IQSEC1: variants seen among roughly 807,000 people sequenced by gnomAD.
The protein encoded by IQSEC1 is IQ motif and Sec7 domain ArfGEF 1, also known as IQ motif and SEC7 domain-containing protein 1.
IQSEC1 carries 31 observed loss-of-function variants against 91.0 expected under a neutral mutation model. The ratio of observed to expected loss-of-function variants is 0.34; its 90% CI spans 0.26 to 0.46. The LOEUF (loss-of-function observed/expected upper bound fraction) is 0.46, where lower values mean the gene tolerates loss of function less well. Among genes scored for constraint, IQSEC1 ranks in the 20% least tolerant of loss-of-function variants. The pLI, the probability that IQSEC1 is intolerant of heterozygous loss-of-function variation, is 1.00. For missense variants in IQSEC1, 1,388 were observed against 1,575.6 expected (o/e 0.88, Z 2.02); for synonymous variants, 699 against 662.6 (o/e 1.05, Z -0.84).
chr3:13,151,910 G>A (rs1010786429), intron 2 of IQSEC1, among the ~76,000 whole-genome samples: 14 of 152,096 alleles, frequency 9.2e-5, no homozygotes, highest in Admixed American at 5.9e-4. Context: ...AGGTTGCAGC[G>A]ACCCAAGATC....
intron 1 of IQSEC1, among the ~76,000 whole-genome samples, chr3:13,057,127 G>A (rs916609123): frequency 6.6e-6 from 1 of 152,118 alleles, no homozygotes; most frequent in African/African-American, 2.4e-5. Context: ...CTTACACAGA[G>A]GCCTTATCCT....
intron 1 of IQSEC1, among the ~76,000 whole-genome samples, chr3:12,949,718 T>C (rs1699411704): frequency 1.3e-5 from 2 of 151,924 alleles, no homozygotes; most frequent in Admixed American, 1.3e-4. Flanking sequence ...TCTTCACCTC[T>C]ATGCCCCCGT....
intron 1 of IQSEC1, among the ~76,000 whole-genome samples, chr3:13,224,429 G>C (rs988809380): frequency 2.0e-5 from 3 of 152,158 alleles, no homozygotes; most frequent in African/African-American, 7.2e-5. Context: ...AGCCCAGGCA[G>C]GGACCGCCTG....
chr3:13,098,182 T>G (rs902562066), intron 2 of IQSEC1, among the ~76,000 whole-genome samples: 19 of 152,256 alleles, frequency 1.2e-4, no homozygotes, highest in African/African-American at 3.4e-4. Flanking sequence ...AACTATGATG[T>G]GCAGCCTTCT....
At chr3:13,104,964 A>G (rs1363614098) in intron 2 of IQSEC1, among the ~76,000 whole-genome samples, 2 of 152,190 alleles carry the variant, frequency 1.3e-5, no homozygotes, top group African/African-American at 2.4e-5. Context: ...CCAGTGTTTA[A>G]CCTGAAATCT....
intron 1 of IQSEC1, among the ~76,000 whole-genome samples, chr3:12,962,756 A>T (rs1700320865): frequency 6.6e-6 from 1 of 152,216 alleles, no homozygotes; most frequent in Non-Finnish European, 1.5e-5. Flanking sequence ...CTGCAAGTGC[A>T]AAGGACACTG....
At chr3:13,184,809 G>T (rs1378991322) in intron 1 of IQSEC1, among the ~76,000 whole-genome samples, 1 of 152,216 alleles carries the variant, frequency 6.6e-6, no homozygotes, top group African/African-American at 2.4e-5. Flanking sequence ...GCCATGGCCA[G>T]TTGGGAATTG....
chr3:13,191,853 C>T (rs1488624528), intron 1 of IQSEC1, among the ~76,000 whole-genome samples: 1 of 152,198 alleles, frequency 6.6e-6, no homozygotes, highest in Non-Finnish European at 1.5e-5. Context: ...CTCACTGGTC[C>T]TTCTTCATGC....
chr3:13,037,243 G>A (rs1704070341), intron 1 of IQSEC1, among the ~76,000 whole-genome samples: 1 of 152,172 alleles, frequency 6.6e-6, no homozygotes, highest in Non-Finnish European at 1.5e-5. Flanking sequence ...TGGAAAGCAA[G>A]TTCACTAAGC....
At chr3:13,249,291 C>A (rs1485192246) in intron 1 of IQSEC1, among the ~76,000 whole-genome samples, 1 of 151,054 alleles carries the variant, frequency 6.6e-6, no homozygotes, top group South Asian at 2.1e-4. Flanking sequence ...CCTGCCTTAG[C>A]CTCCTGAGTA....
upstream of IQSEC1, among the ~76,000 whole-genome samples, chr3:13,075,088 G>A (rs900465988): frequency 3.3e-5 from 5 of 152,132 alleles, no homozygotes; most frequent in African/African-American, 7.2e-5. Flanking sequence ...CCTGTAGCAC[G>A]GACCTCCCTC....
At chr3:13,052,659 C>T (rs1008309464) in intron 1 of IQSEC1, among the ~76,000 whole-genome samples, 2 of 152,216 alleles carry the variant, frequency 1.3e-5, no homozygotes, top group African/African-American at 2.4e-5. Context: ...CACACTCCCA[C>T]CAGCAACGGG....
intron 1 of IQSEC1, among the ~76,000 whole-genome samples, chr3:13,247,605 A>G (rs1237910473): frequency 6.6e-6 from 1 of 152,170 alleles, no homozygotes. Flanking sequence ...TTTTCACTCC[A>G]TGAGCCTTCG....
At position 13,047,507 on chromosome 3, in the gene IQSEC1, G is replaced by A. The variant is rs552909235; in HGVS notation, c.23+25485C>T. ...AGCGGTCAGTGGAGAGGCTGCTTCCGGTGTCCAGGGAGCTCCTGAGGTGGC... is the reference window on the plus strand; with the variant it reads ...AGCGGTCAGTGGAGAGGCTGCTTCCAGTGTCCAGGGAGCTCCTGAGGTGGC... On this transcript the variant is annotated intron_variant, in intron 1 of 13. Transcript: ENST00000613206. 9.1e-5 allele frequency: 90 copies of A among 985,302 alleles called. No homozygotes were observed. The highest frequency in any genetic ancestry group is 1.0e-3 in the Middle Eastern group (2 of 1,914). The allele number at this position is 985,302 out of a possible 1,614,324, so 61.0% of individuals were successfully genotyped here.
chr3:12,924,763 C>T lies in IQSEC1; in HGVS notation c.1569-21G>A, dbSNP rs1696964523. Reference sequence around the variant, plus strand: ...GCTTCCTGGGGTAGGACGAGAGGCACACTCAGTCCCAGCTGCCCGGCCACC... The same window carrying T: ...GCTTCCTGGGGTAGGACGAGAGGCATACTCAGTCCCAGCTGCCCGGCCACC... On this transcript the variant is annotated intron_variant, in intron 3 of 13. Transcript: ENST00000613206. This position sits in a 1 kb window ranked among gnomAD's most constrained non-coding sequence, Gnocchi z 6.3. The T allele has an allele frequency of 2.6e-6, 4 of 1,534,106 alleles. No individual in the cohort carries two copies. Among genetic ancestry groups the T allele is most frequent in the Non-Finnish European group, 3.5e-6 (4 of 1,134,506 alleles).
At chr3:13,161,095 T>G (rs357172) in intron 2 of IQSEC1, among the ~76,000 whole-genome samples, 136,812 of 152,272 alleles carry the variant, frequency 0.9, 61,684 homozygotes, top group African/African-American at 0.97. Context: ...TTTCTAAACA[T>G]AGGAAACATC....
Position 13,244,291 on chromosome 3 carries a change from C to T in IQSEC1, c.272+38420G>A, listed in dbSNP as rs562403647. ...TACTGCAACCTCTGCCTCCCAGATT[C>T]GAGCGATTCTCCTGCTTCAGCCTCC... On this transcript the variant is annotated intron_variant, in intron 1 of 15. Coordinates refer to the IQSEC1 transcript ENST00000648114. Among the ~76,000 whole-genome samples, 225 of 152,266 alleles carry T rather than the reference C, an allele frequency of 1.5e-3. 1 individual carries two copies. The highest frequency in any genetic ancestry group is 2.5e-3 in the Non-Finnish European group (169 of 68,014).
chr3:13,047,999 G>A (rs529988305), intron 1 of IQSEC1, among the ~76,000 whole-genome samples: 4 of 152,110 alleles, frequency 2.6e-5, no homozygotes, highest in African/African-American at 4.8e-5. Context: ...GAGACTCGGC[G>A]TCCAGCTCTG....
intron 2 of IQSEC1, among the ~76,000 whole-genome samples, chr3:13,111,712 A>C (rs1006455836): frequency 6.6e-6 from 1 of 152,172 alleles, no homozygotes; most frequent in Admixed American, 6.5e-5. Flanking sequence ...CCTCATAAGA[A>C]GAAAAAGAGG....
Sources: gnomAD v4.1 joint callset for allele counts (sites outside exome capture counted in the v4.1 genomes callset) on GRCh38, gnomAD v4.1.1 for gene constraint, Gnocchi (gnomAD v3.1) non-coding constraint, MANE v1.5 for transcripts, NCBI Gene and HGNC (gene_info 2026-07-23, HGNC 2026-07-21) for gene names.